Variants in ERBB4 observed in about 807,000 individuals in gnomAD.
ERBB4 encodes erb-b2 receptor tyrosine kinase 4, also known as receptor tyrosine-protein kinase erbB-4.
In ERBB4, 42 loss-of-function variants were observed where a neutral mutation model predicts 158.0. The observed-to-expected ratio is 0.27, with a 90% CI of 0.21 to 0.34. The LOEUF is 0.34. Ranked by LOEUF, ERBB4 falls within the 10% of genes least tolerant of loss-of-function variation. The pLI is 1.00. For synonymous variants in ERBB4, 583 were observed against 558.7 expected, an observed-to-expected ratio of 1.04 and a Z score of -0.61; for missense variants, 1,333 against 1,624.1, an observed-to-expected ratio of 0.82 and a Z score of 3.08.
chr2:212,312,625 A>C (rs536422499), intron 1 of ERBB4, among the ~76,000 whole-genome samples: 2 of 151,136 alleles, frequency 1.3e-5, no homozygotes, highest in Non-Finnish European at 3.0e-5. Context: ...TTCTGTAAAA[A>C]TTAATATAGA....
intron 1 of ERBB4, among the ~76,000 whole-genome samples, chr2:212,419,523 G>A (rs914431020): frequency 3.3e-5 from 5 of 151,836 alleles, no homozygotes; most frequent in Admixed American, 6.6e-5. Flanking sequence ...TACTATGTAT[G>A]TGTGTGTTTG....
intron 1 of ERBB4, among the ~76,000 whole-genome samples, chr2:212,473,787 CATAAG>C (rs1560424877): frequency 2.0e-5 from 3 of 151,892 alleles, no homozygotes; most frequent in African/African-American, 7.2e-5. Flanking sequence ...TCTCAGAGTT[CATAAG>C]ATATCTAATA....
intron 20 of ERBB4, among the ~76,000 whole-genome samples, chr2:211,458,232 A>T (rs2064434831): frequency 6.6e-6 from 1 of 151,320 alleles, no homozygotes; most frequent in Admixed American, 6.6e-5. Flanking sequence ...CCTACTGTAC[A>T]ATGAGCCTTT....
intron 2 of ERBB4, among the ~76,000 whole-genome samples, chr2:212,088,696 C>A (rs2078686634): frequency 6.6e-6 from 1 of 152,094 alleles, no homozygotes; most frequent in Admixed American, 6.6e-5. Context: ...TGACCAGGAA[C>A]TTGAGAATCT....
intron 3 of ERBB4, among the ~76,000 whole-genome samples, chr2:211,883,749 G>A (rs1007468971): frequency 6.6e-6 from 1 of 152,086 alleles, no homozygotes; most frequent in Admixed American, 6.5e-5. Context: ...GCAAGTTCGT[G>A]CCACTGCACT....
intron 2 of ERBB4, among the ~76,000 whole-genome samples, chr2:212,088,758 A>C (rs992984900): frequency 6.6e-5 from 10 of 152,178 alleles, no homozygotes; most frequent in African/African-American, 2.4e-4. Context: ...GCCTATAAGA[A>C]ATAGCTTTTA....
intron 2 of ERBB4, among the ~76,000 whole-genome samples, chr2:212,034,062 T>C (rs2076960774): frequency 6.6e-6 from 1 of 151,914 alleles, no homozygotes; most frequent in Non-Finnish European, 1.5e-5. Flanking sequence ...TCTTGTCTCT[T>C]AAAATCAGTA....
chr2:212,449,130 T>C (rs1439187121), intron 1 of ERBB4, among the ~76,000 whole-genome samples: 1 of 152,160 alleles, frequency 6.6e-6, no homozygotes, highest in African/African-American at 2.4e-5. Flanking sequence ...CAGATTTCTT[T>C]TACTAGTGCT....
chr2:212,286,767 A>ATTTTTTTTTTTTTTTTTTTT lies in ERBB4; in HGVS notation c.83-161884_83-161865dup, dbSNP rs748586400. On this transcript the variant is annotated intron_variant, in intron 1 of 27. Transcript: ENST00000342788. ...TAGGCGGGTGGCACCATGAGGGTTA[A>ATTTTTTTTTTTTTTTTTTTT]TTTTTTTTTTTTTTTTTTTTTTTGT... is the stretch of plus-strand genomic sequence containing the variant. Among the ~76,000 whole-genome samples, 44 of 39,560 alleles carry ATTTTTTTTTTTTTTTTTTTT rather than the reference A, an allele frequency of 1.1e-3. 7 individuals are homozygous for ATTTTTTTTTTTTTTTTTTTT. The highest frequency in any genetic ancestry group is 1.7e-3 in the African/African-American group (15 of 9,008). 26.0% of individuals were successfully genotyped at this position (39,560 alleles called of 152,430 possible).
In ERBB4 at chr2:211,905,763, T is replaced by TATATATAC. The variant is rs566719974; in HGVS notation, c.421+41666_421+41667insGTATATAT. ...GTGTGTGTATATATATATATATATATACTATTATGTATACAACACATAGGA... is the reference window on the plus strand; with the variant it reads ...GTGTGTGTATATATATATATATATATATATATACACTATTATGTATACAACACATAGGA... On this transcript the variant is annotated intron_variant, in intron 3 of 27. Coordinates refer to ENST00000342788, the MANE Select transcript of ERBB4 (RefSeq NM_005235.3). 1.5e-3 allele frequency among the ~76,000 whole-genome samples: 206 copies of TATATATAC among 141,514 alleles called. 3 individuals carry two copies. The highest frequency in any genetic ancestry group is 5.0e-3 in the African/African-American group (190 of 37,850). 92.8% of individuals were successfully genotyped at this position (141,514 alleles called of 152,430 possible). A position where few individuals can be genotyped will look rare whatever the true frequency, so the allele number is the denominator to read the frequency against.
intron 1 of ERBB4, among the ~76,000 whole-genome samples, chr2:212,440,294 T>C (rs2092226290): frequency 6.6e-6 from 1 of 152,134 alleles, no homozygotes; most frequent in South Asian, 2.1e-4. Flanking sequence ...TGCCAGCAAA[T>C]ACAAAGCAGG....
At chr2:212,201,875 A>G (rs2082595475) in intron 1 of ERBB4, among the ~76,000 whole-genome samples, 1 of 152,080 alleles carries the variant, frequency 6.6e-6, no homozygotes, top group African/African-American at 2.4e-5. Flanking sequence ...TAGCCCTACT[A>G]TTATTCCTTT....
At chr2:212,434,020 A>G (rs923318185) in intron 1 of ERBB4, among the ~76,000 whole-genome samples, 2 of 151,966 alleles carry the variant, frequency 1.3e-5, no homozygotes, top group Non-Finnish European at 2.9e-5. Context: ...AAGGGAAATT[A>G]AGCAAGGTGA....
chr2:211,549,667 C>T (rs1031005242), intron 20 of ERBB4, among the ~76,000 whole-genome samples: 1 of 152,160 alleles, frequency 6.6e-6, no homozygotes, highest in South Asian at 2.1e-4. Context: ...ATCCCAGAGT[C>T]ACCCAGCAGA....
At chr2:212,358,177 T>C (rs991544379) in intron 1 of ERBB4, among the ~76,000 whole-genome samples, 1 of 151,884 alleles carries the variant, frequency 6.6e-6, no homozygotes, top group Non-Finnish European at 1.5e-5. Flanking sequence ...AAAGAACTAT[T>C]TAAATCTTTC....
intron 1 of ERBB4, among the ~76,000 whole-genome samples, chr2:212,316,134 C>T (rs1010659865): frequency 2.6e-5 from 4 of 151,446 alleles, no homozygotes; most frequent in Non-Finnish European, 5.9e-5. Context: ...CGATGATTCA[C>T]AGACCACCTT....
intron 2 of ERBB4, among the ~76,000 whole-genome samples, chr2:211,969,358 T>C (rs1281078023): frequency 1.3e-5 from 2 of 152,070 alleles, no homozygotes; most frequent in African/African-American, 4.8e-5. Flanking sequence ...AGTTCTTCAA[T>C]GAGAAAAGCC....
At chr2:211,786,756 C>A (rs757696589) in intron 4 of ERBB4, among the ~76,000 whole-genome samples, 5 of 152,140 alleles carry the variant, frequency 3.3e-5, no homozygotes, top group Non-Finnish European at 1.5e-5. Context: ...TTTACCCAAC[C>A]AATATCCACA....
chr2:212,340,047 C>CT (rs11381212), intron 1 of ERBB4, among the ~76,000 whole-genome samples: 73,080 of 146,560 alleles, frequency 0.5, 18,460 homozygotes, highest in East Asian at 0.77. Flanking sequence ...AATTAATATT[C>CT]TTTTTTTTTT....
Sources: gnomAD v4.1 joint callset for allele counts (sites outside exome capture counted in the v4.1 genomes callset) on GRCh38, gnomAD v4.1.1 for gene constraint, MANE v1.5 for transcripts, NCBI Gene and HGNC (gene_info 2026-07-23, HGNC 2026-07-21) for gene names.